LRRIQ1: variants seen among roughly 807,000 people sequenced by gnomAD.
LRRIQ1 encodes leucine-rich repeat- and IQ domain-containing protein 1.
In LRRIQ1, 210 loss-of-function variants were observed where a neutral mutation model predicts 211.9. The ratio of observed to expected loss-of-function variants is 0.99; its 90% CI spans 0.89 to 1.11. LRRIQ1 has a LOEUF of 1.11. Among genes scored for constraint, LRRIQ1 ranks in the 50% most tolerant of loss-of-function variants. The probability of loss-of-function intolerance (pLI) is 0.00; values close to 1 mark genes in which losing one functional copy is unlikely to be tolerated. For missense variants in LRRIQ1, 2,136 were observed against 1,939.5 expected (o/e 1.10, Z -1.90); for synonymous variants, 699 against 650.1 (o/e 1.08, Z -1.14).
chr12:85,133,033 A>G (rs1242550348), intron 18 of LRRIQ1, among the ~76,000 whole-genome samples: 1 of 152,084 alleles, frequency 6.6e-6, no homozygotes, highest in Non-Finnish European at 1.5e-5. Flanking sequence ...ACAATGTTAA[A>G]TATCACATGA....
intron 23 of LRRIQ1, among the ~76,000 whole-genome samples, chr12:85,154,779 CATATAA>C: frequency 6.6e-6 from 1 of 151,058 alleles, no homozygotes; most frequent in East Asian, 1.9e-4. Flanking sequence ...AATATTTACT[CATATAA>C]ATATAAGAAC....
intron 23 of LRRIQ1, chr12:85,159,568 C>G (rs1008833117): frequency 6.6e-6 from 1 of 151,886 alleles, no homozygotes; most frequent in African/African-American, 2.4e-5. Context: ...AGTCATACAA[C>G]TAGTAAAATT....
chr12:85,187,681 T>G (rs908884503), intron 24 of LRRIQ1, among the ~76,000 whole-genome samples: 12 of 151,504 alleles, frequency 7.9e-5, no homozygotes, highest in African/African-American at 2.4e-4. Flanking sequence ...TGGTGGCTCA[T>G]GCCTGTAATC....
chr12:85,102,646 G>T (rs1291619926), intron 13 of LRRIQ1, among the ~76,000 whole-genome samples: 3 of 151,246 alleles, frequency 2.0e-5, no homozygotes, highest in South Asian at 2.1e-4. Context: ...ACCCCATGAG[G>T]CTTCCACTCA....
chr12:85,257,088 A>G (rs1295987990), intron 1 of LRRIQ1, among the ~76,000 whole-genome samples: 1 of 96,334 alleles, frequency 1.0e-5, no homozygotes, highest in African/African-American at 3.7e-5. Flanking sequence ...ATATAATTAT[A>G]TTATATAATT....
intron 24 of LRRIQ1, among the ~76,000 whole-genome samples, chr12:85,210,371 A>G (rs566051540): frequency 1.3e-5 from 2 of 152,346 alleles, no homozygotes; most frequent in South Asian, 4.1e-4. Context: ...TTTTAGTTAC[A>G]TGTGTTTCCA....
chr12:85,148,953 G>C (rs1890068986), intron 19 of LRRIQ1, among the ~76,000 whole-genome samples: 1 of 151,860 alleles, frequency 6.6e-6, no homozygotes, highest in African/African-American at 2.4e-5. Context: ...GTCTTCTTTT[G>C]AGAAGTGTCT....
At chr12:85,160,354 T>G (rs1232477538) in intron 23 of LRRIQ1, among the ~76,000 whole-genome samples, 1 of 152,032 alleles carries the variant, frequency 6.6e-6, no homozygotes, top group Non-Finnish European at 1.5e-5. Context: ...TTGTATCCCA[T>G]CTCCCCACAG....
At chr12:85,160,559 G>T in intron 23 of LRRIQ1, 54 bp from the exon 24 acceptor site, 2 of 1,092,044 alleles carry the variant, frequency 1.8e-6, no homozygotes, top group South Asian at 1.4e-5. Flanking sequence ...TGGACATTTA[G>T]AGAAGGAATT....
intron 6 of LRRIQ1, among the ~76,000 whole-genome samples, chr12:85,049,890 C>T (rs150962933): frequency 6.4e-4 from 98 of 152,282 alleles, no homozygotes; most frequent in African/African-American, 2.3e-3. Context: ...TTTACTTTCC[C>T]TTGACTTCTG....
intron 24 of LRRIQ1, among the ~76,000 whole-genome samples, chr12:85,203,528 C>A (rs867854189): frequency 7.4e-4 from 113 of 152,072 alleles, no homozygotes; most frequent in African/African-American, 2.6e-3. Context: ...TGTTGAGTGG[C>A]TTTGCCCAAA....
chr12:85,098,696 TAC>T (rs771263908), intron 12 of LRRIQ1, 148 bp downstream of exon 12: 51 of 721,610 alleles, frequency 7.1e-5, no homozygotes, highest in Non-Finnish European at 1.0e-4. Context: ...TTAAATATTA[TAC>T]AGTTAATTAA....
chr12:85,061,389 A>AT (rs896348995), intron 8 of LRRIQ1, among the ~76,000 whole-genome samples: 6 of 151,632 alleles, frequency 4.0e-5, no homozygotes, highest in East Asian at 1.9e-4. Flanking sequence ...TACTATAAAG[A>AT]TTTTTTTTAA....
At chr12:85,044,220 C>T (rs928870051) in intron 3 of LRRIQ1, among the ~76,000 whole-genome samples, 10 of 152,042 alleles carry the variant, frequency 6.6e-5, no homozygotes, top group Non-Finnish European at 1.2e-4. Flanking sequence ...AACATAACTA[C>T]ATCTGCACAC....
At chr12:85,253,930 T>C (rs542565793) in intron 1 of LRRIQ1, among the ~76,000 whole-genome samples, 1 of 152,028 alleles carries the variant, frequency 6.6e-6, no homozygotes, top group Non-Finnish European at 1.5e-5. Context: ...TGCTCACATC[T>C]CATTGAAATC....
rs528789885 is a variant in LRRIQ1, at chr12:85,157,648, G to A, written c.4721-2965G>A. 4.6e-5 allele frequency among the ~76,000 whole-genome samples: 7 copies of A among 151,932 alleles called. No individual in the cohort carries two copies. In the East Asian group the frequency reaches 1.2e-3, roughly 25 times the overall value. ...GTTACTGGTTTATTGAAAACATGCA[G>A]GGTCAATAATCTCACAACACTGAGT... On this transcript the variant is annotated intron_variant, in intron 23 of 26. Coordinates refer to ENST00000393217, the MANE Select transcript of LRRIQ1 (RefSeq NM_001079910.2).
intron 26 of LRRIQ1, among the ~76,000 whole-genome samples, chr12:85,241,960 G>T (rs1349486548): frequency 6.6e-6 from 1 of 151,978 alleles, no homozygotes; most frequent in Non-Finnish European, 1.5e-5. Flanking sequence ...GGAAAGTCCT[G>T]TCCCAAAATG....
chr12:85,136,369 A>G (rs1461763100), intron 18 of LRRIQ1, among the ~76,000 whole-genome samples: 5 of 151,966 alleles, frequency 3.3e-5, no homozygotes, highest in Admixed American at 2.6e-4. Flanking sequence ...GGTATGCTCT[A>G]TTGGAGGTTG....
At chr12:85,062,048 A>G (rs1323480593) in intron 8 of LRRIQ1, among the ~76,000 whole-genome samples, 2 of 151,872 alleles carry the variant, frequency 1.3e-5, no homozygotes, top group Non-Finnish European at 1.5e-5. Flanking sequence ...AATTTAATGC[A>G]CAGGAAATGT....
Sources: gnomAD v4.1 joint callset for allele counts (sites outside exome capture counted in the v4.1 genomes callset) on GRCh38, gnomAD v4.1.1 for gene constraint, MANE v1.5 for transcripts, NCBI Gene and HGNC (gene_info 2026-07-23, HGNC 2026-07-21) for gene names.